The following CLCNKA variants were observed in gnomAD, a reference collection of about 807,000 sequenced individuals.
CLCNKA encodes chloride voltage-gated channel Ka, also known as chloride channel protein ClC-Ka.
A neutral mutation model predicts 83.3 loss-of-function variants in CLCNKA; 66 were observed. That is an observed-to-expected ratio of 0.79 (90% CI 0.65 to 0.97). The LOEUF is 0.97. Among genes scored for constraint, CLCNKA ranks in the 50% least tolerant of loss-of-function variants. CLCNKA has a pLI of 0.00. For synonymous variants in CLCNKA, 357 were observed against 370.4 expected (o/e 0.96, Z 0.42); for missense variants, 806 against 888.7 (o/e 0.91, Z 1.18).
rs777833564 is a variant in CLCNKA at position 16,029,691 on chromosome 1, G to A, written c.1228-40G>A. The A allele has an allele frequency of 1.2e-5, 20 of 1,612,312 alleles. No individual in the cohort carries two copies. The East Asian group carries it at 4.5e-4, about 36-fold the overall frequency. The stretch of plus-strand genomic sequence containing the variant: ...TCTTCTCTTGTCCACACCTTGCCCA[G>A]CGGCCTCTAACCTCTGCCCTGGGCT... On this transcript the variant is annotated intron_variant, in intron 12 of 19. Transcript: ENST00000331433.
chr1:16,032,509 G>T lies in CLCNKA; in HGVS notation c.1912G>T (p.Glu638Ter). The T allele has an allele frequency of 6.2e-7, 1 of 1,613,128 alleles. No individual in the cohort carries two copies. Among genetic ancestry groups the T allele is most frequent in the South Asian group, 1.1e-5 (1 of 91,086 alleles). ...ACCAGTGACCCTGACGCTATTCTCA[G>T]AGACCACCTTGCACCAGGTAACAAG... ...TEPVTLTLFS[E>*]TTLHQAQNLF... The change falls in exon 18 of 20, where the codon GAG becomes TAG. Residue 638 changes from glutamate to a stop codon, truncating the protein, a stop_gained. Transcript: ENST00000331433. LOFTEE classifies it high-confidence loss of function.
At chr1:16,031,072 G>T (rs2022605764) in intron 15 of CLCNKA, among the ~76,000 whole-genome samples, 1 of 152,220 alleles carries the variant, frequency 6.6e-6, no homozygotes, top group Admixed American at 6.5e-5. Flanking sequence ...GGAGCAGGAG[G>T]TGGAACGAGA....
At chr1:16,027,081 C>A (rs914610790) in intron 7 of CLCNKA, among the ~76,000 whole-genome samples, 1 of 152,202 alleles carries the variant, frequency 6.6e-6, no homozygotes, top group African/African-American at 2.4e-5. Flanking sequence ...AAACCGTTCC[C>A]ACCCGATAGG....
At chr1:16,033,096 G>A (rs2124062044) in intron 18 of CLCNKA, 74 bp from the exon 19 acceptor site, 2 of 1,473,840 alleles carry the variant, frequency 1.4e-6, no homozygotes, top group East Asian at 4.5e-5. Context: ...TGGCTCAGAG[G>A]CGTGGCAGAG....
intron 18 of CLCNKA, 121 bp downstream of exon 18, chr1:16,032,647 TC>T: frequency 1.3e-6 from 1 of 790,622 alleles, no homozygotes; most frequent in Non-Finnish European, 2.2e-6. Context: ...TGCTTCCTGC[TC>T]CTCCTGGGCC....
chr1:16,031,225 C>A (rs1183188968), intron 15 of CLCNKA, among the ~76,000 whole-genome samples: 3 of 152,226 alleles, frequency 2.0e-5, no homozygotes, highest in Non-Finnish European at 2.9e-5. Context: ...TTGCTCTGAA[C>A]CTGTTTCCCC....
Position 16,026,235 on chromosome 1 carries a change from C to T in CLCNKA, c.486C>T (p.Phe162=), listed in dbSNP as rs115351575. 1.2e-3 allele frequency: 1,860 copies of T among 1,613,862 alleles called. 23 individuals carry two copies. The African/African-American group carries it at 0.021, about 19-fold the overall frequency. The change falls in exon 5 of 20, where the codon TTC becomes TTT. Residue 162 remains phenylalanine, a synonymous_variant. Transcript: ENST00000331433. ...SCTLATGSTL[F]LGKVGPFVHL... is the part of the protein sequence containing the mutation. ...CCCTGGCCACCGGCAGCACCCTGTTCCTGGGCAAAGTGGTATGGTCAGGTG... is the reference window on the plus strand; with the variant it reads ...CCCTGGCCACCGGCAGCACCCTGTTTCTGGGCAAAGTGGTATGGTCAGGTG...
chr1:16,026,494 T>C (rs377164446), intron 5 of CLCNKA, 42 bp from the exon 6 acceptor site: 143 of 1,610,854 alleles, frequency 8.9e-5, no homozygotes, highest in African/African-American at 3.1e-4. Context: ...GGGGTGAGAC[T>C]GTCTCTGCTG....
chr1:16,023,791 C>G lies in CLCNKA; in HGVS notation c.101-9C>G. 1 of 1,613,976 alleles carries G rather than the reference C, an allele frequency of 6.2e-7. No individual in the cohort carries two copies. Among genetic ancestry groups the G allele is most frequent in the Non-Finnish European group, 8.5e-7 (1 of 1,179,882 alleles). ...CAACATAAGCTGGGACTCCGATACC[C>G]TGCCCCAGGTGGCCTGGAGTGGCTA... On this transcript the variant is annotated splice_polypyrimidine_tract_variant and intron_variant, in intron 2 of 19. Transcript: ENST00000331433.
chr1:16,025,989 C>T (rs2022328813), intron 4 of CLCNKA, 119 bp from the exon 5 acceptor site: 6 of 1,345,064 alleles, frequency 4.5e-6, no homozygotes, highest in Non-Finnish European at 5.3e-6. Context: ...CTCCTGACCT[C>T]GCGATCCGCC....
At chr1:16,027,043 C>A in intron 7 of CLCNKA, 1 of 648,630 alleles carries the variant, frequency 1.5e-6, no homozygotes, top group Non-Finnish European at 2.6e-6. Context: ...TCTCTGAGCG[C>A]AGCTTCCTCC....
chr1:16,023,363 A>G (rs1346210589), intron 2 of CLCNKA, among the ~76,000 whole-genome samples: 1 of 152,198 alleles, frequency 6.6e-6, no homozygotes. Context: ...GGTGAAAGCT[A>G]TAGCTGCCAG....
intron 10 of CLCNKA, 127 bp from the exon 11 acceptor site, chr1:16,028,634 C>T: frequency 8.4e-7 from 1 of 1,195,236 alleles, no homozygotes; most frequent in Non-Finnish European, 1.2e-6. Context: ...TTCCTCCTCA[C>T]CAGTCCTTGC....
chr1:16,023,874 C>T lies in CLCNKA; in HGVS notation c.175C>T (p.Leu59Phe), dbSNP rs1350471146. 1 of 1,614,188 alleles carries T rather than the reference C, an allele frequency of 6.2e-7. No individual in the cohort carries two copies. Among genetic ancestry groups the T allele is most frequent in the Non-Finnish European group, 8.5e-7 (1 of 1,180,018 alleles). ...DWYFLMTLGV[L>F]MALVSYAMNF... ...GTACTTCCTGATGACCCTCGGGGTG[C>T]TCATGGCCCTGGTCAGCTATGCCAT... The change falls in exon 3 of 20, where the codon CTC becomes TTC. Residue 59 changes from leucine to phenylalanine, a missense_variant. Physicochemically the swap from Leu to Phe is conservative, Grantham distance 22. Transcript: ENST00000331433.
Position 16,032,504 on chromosome 1 carries a change from T to C in CLCNKA, c.1907T>C (p.Phe636Ser). 6.2e-7 allele frequency: 1 copy of C among 1,613,110 alleles called. No homozygotes were observed. Among genetic ancestry groups the C allele is most frequent in the African/African-American group, 1.3e-5 (1 of 75,042 alleles). The change falls in exon 18 of 20, where the codon TTC becomes TCC. Residue 636 changes from phenylalanine (F) to serine (S), a missense_variant. Transcript: ENST00000331433. Reference sequence around the variant, plus strand: ...ACGGAACCAGTGACCCTGACGCTATTCTCAGAGACCACCTTGCACCAGGTA... The same window carrying C: ...ACGGAACCAGTGACCCTGACGCTATCCTCAGAGACCACCTTGCACCAGGTA... ...CPTEPVTLTL[F>S]SETTLHQAQN... is the part of the protein sequence containing the mutation.
intron 4 of CLCNKA, 108 bp downstream of exon 4, chr1:16,024,999 G>A: frequency 6.8e-7 from 1 of 1,464,662 alleles, no homozygotes; most frequent in Non-Finnish European, 9.5e-7. Context: ...CTCAAGCCCA[G>A]AAGAGTTATG....
rs2022556107 is a variant in CLCNKA at position 16,030,049 on chromosome 1, T to C, written c.1382T>C (p.Ile461Thr). The C allele has an allele frequency of 1.2e-6, 2 of 1,608,572 alleles. No individual in the cohort carries two copies. The highest frequency in any genetic ancestry group is 1.7e-6 in the Non-Finnish European group (2 of 1,175,546). ...GIVTGGVTNPIMPGGYALAGA... is the reference protein window; with the variant it reads ...GIVTGGVTNPTMPGGYALAGA... ...GTGACTGGAGGGGTTACCAATCCCA[T>C]CATGCCCGGGGGGTATGCTCTGGCA... Residue 461 changes from isoleucine (I) to threonine (T), a missense_variant, in exon 14 of 20, where the codon ATC becomes ACC. Transcript: ENST00000331433.
chr1:16,028,780 C>G lies in CLCNKA; in HGVS notation c.988C>G (p.Leu330Val). ...CCACAGCAAGCCTGTGTACTCCGCT[C>G]TGGCCACCTTGCTTCTCGCCTCCAT... The part of the protein sequence containing the change: ...LATSKPVYSA[L>V]ATLLLASITY... The change falls in exon 11 of 20, where the codon CTG (leucine) becomes GTG (valine). Residue 330 changes from leucine to valine, a missense_variant. Physicochemically the swap from Leu to Val is conservative, Grantham distance 32 (BLOSUM62 1). Coordinates refer to ENST00000331433, the MANE Select transcript of CLCNKA (RefSeq NM_004070.4). The G allele has an allele frequency of 1.9e-6, 3 of 1,614,184 alleles. No individual in the cohort carries two copies. The highest frequency in any genetic ancestry group is 2.7e-5 in the African/African-American group (2 of 75,068).
chr1:16,026,354 C>A, intron 5 of CLCNKA, 107 bp downstream of exon 5: 1 of 1,513,738 alleles, frequency 6.6e-7, no homozygotes, highest in Non-Finnish European at 9.1e-7. Flanking sequence ...AGGCCAGTGC[C>A]TGCCTTCAGG....
Sources: allele counts gnomAD v4.1 joint callset (sites outside exome capture counted in the v4.1 genomes callset), GRCh38; gene constraint gnomAD v4.1.1; transcripts MANE v1.5; gene names NCBI Gene and HGNC (gene_info 2026-07-23, HGNC 2026-07-21).